The following TMTC2 variants were observed in gnomAD, a reference collection of about 807,000 sequenced individuals.
TMTC2 encodes protein O-mannosyl-transferase TMTC2.
TMTC2 carries 43 observed loss-of-function variants against 82.4 expected under a neutral mutation model. That is an observed-to-expected ratio of 0.52 (90% CI 0.41 to 0.67). The LOEUF (loss-of-function observed/expected upper bound fraction) is 0.67. Ranked by LOEUF, TMTC2 falls within the 30% of genes least tolerant of loss-of-function variation. TMTC2 has a pLI of 0.00. For synonymous variants in TMTC2, 408 were observed against 381.9 expected, an observed-to-expected ratio of 1.07 and a Z score of -0.80; for missense variants, 919 against 1,012.4, an observed-to-expected ratio of 0.91 and a Z score of 1.25.
chr12:82,825,598 C>T (rs1869373110), intron 1 of TMTC2, among the ~76,000 whole-genome samples: 1 of 151,980 alleles, frequency 6.6e-6, no homozygotes, highest in Non-Finnish European at 1.5e-5. Flanking sequence ...ATTATTTCCA[C>T]AATGTGGTAG....
At position 83,118,754 on chromosome 12, in the gene TMTC2, C is replaced by A. The variant is rs143558564; in HGVS notation, c.2332-13456C>A. 1.8e-3 allele frequency among the ~76,000 whole-genome samples: 267 copies of A among 152,162 alleles called. 1 individual carries two copies. Among genetic ancestry groups the A allele is most frequent in the African/African-American group, 6.1e-3 (254 of 41,546 alleles). ...ATAGGATTGGTACCAAACCTTTCAA[C>A]GTCTGGTAGAATTCTGATGTGAATT... On this transcript the variant is annotated intron_variant, in intron 11 of 11. Transcript: ENST00000321196.
Position 83,117,143 on chromosome 12 carries a change from G to A in TMTC2, c.2332-15067G>A, listed in dbSNP as rs146953889. Among the ~76,000 whole-genome samples the A allele has an allele frequency of 3.3e-5, 5 of 152,254 alleles. No homozygotes were observed. In the East Asian group the frequency reaches 9.6e-4, roughly 29 times the overall value. ...AGGATCCAGTTTTATTCTCTTACGT[G>A]TGGCTAGCCAATTATCCCAGCACCA... On this transcript the variant is annotated intron_variant, in intron 11 of 11. Transcript: ENST00000321196.
intron 11 of TMTC2, among the ~76,000 whole-genome samples, chr12:83,089,218 T>C (rs531799813): frequency 3.9e-5 from 6 of 152,350 alleles, no homozygotes; most frequent in South Asian, 2.1e-4. Context: ...TCCTAACTTA[T>C]GCTTTTTTGG....
At chr12:82,699,092 C>T (rs1339191472) in intron 1 of TMTC2, among the ~76,000 whole-genome samples, 3 of 152,164 alleles carry the variant, frequency 2.0e-5, no homozygotes, top group African/African-American at 4.8e-5. Flanking sequence ...TCTCATCTCC[C>T]GTGAGAACAG....
chr12:82,770,023 A>T (rs1877201274), intron 1 of TMTC2, among the ~76,000 whole-genome samples: 1 of 152,146 alleles, frequency 6.6e-6, no homozygotes, highest in African/African-American at 2.4e-5. Flanking sequence ...AAAATGATAT[A>T]TTTTACCTTA....
intron 2 of TMTC2, among the ~76,000 whole-genome samples, chr12:82,879,602 A>G (rs1872733472): frequency 6.6e-6 from 1 of 152,216 alleles, no homozygotes; most frequent in African/African-American, 2.4e-5. Flanking sequence ...GCAGGTTTAC[A>G]GCATAGAACC....
intron 1 of TMTC2, among the ~76,000 whole-genome samples, chr12:82,719,016 C>T (rs1406778243): frequency 7.6e-6 from 1 of 132,006 alleles, no homozygotes; most frequent in Non-Finnish European, 1.5e-5. Context: ...AAACTGGGTG[C>T]TAGTATATAG....
intron 1 of TMTC2, among the ~76,000 whole-genome samples, chr12:82,802,389 G>C (rs957459372): frequency 6.6e-6 from 1 of 152,182 alleles, no homozygotes; most frequent in Non-Finnish European, 1.5e-5. Flanking sequence ...CCGGAAAGGG[G>C]CTCCCACAGT....
At chr12:82,890,632 G>GA (rs148045445) in intron 2 of TMTC2, among the ~76,000 whole-genome samples, 7,540 of 152,162 alleles carry the variant, frequency 0.05, 229 homozygotes, top group Non-Finnish European at 0.073. Flanking sequence ...ATTTTACTTG[G>GA]ACTGGGGCAT....
chr12:82,892,390 T>A (rs986910167), intron 2 of TMTC2, among the ~76,000 whole-genome samples: 3 of 152,216 alleles, frequency 2.0e-5, no homozygotes, highest in Non-Finnish European at 4.4e-5. Flanking sequence ...TTAAATTTTC[T>A]TTTTAGCATA....
Position 83,040,415 on chromosome 12 carries a change from C to T in TMTC2, c.2152+9536C>T, listed in dbSNP as rs141750393. On this transcript the variant is annotated intron_variant, in intron 9 of 11. Coordinates refer to ENST00000321196, the MANE Select transcript of TMTC2 (RefSeq NM_152588.3). Reference sequence around the variant, plus strand: ...CAGGGAGGAAGGGCAGCTTGAGAACCGGAAAGGAGCTCATGGAGAAGTTAG... The same window carrying T: ...CAGGGAGGAAGGGCAGCTTGAGAACTGGAAAGGAGCTCATGGAGAAGTTAG... Among the ~76,000 whole-genome samples the T allele has an allele frequency of 2.2e-3, 329 of 152,056 alleles. 2 individuals are homozygous for T. Among genetic ancestry groups the T allele is most frequent in the African/African-American group, 7.5e-3 (312 of 41,464 alleles).
intron 11 of TMTC2, among the ~76,000 whole-genome samples, chr12:83,063,797 A>G (rs919916197): frequency 6.6e-6 from 1 of 151,932 alleles, no homozygotes; most frequent in African/African-American, 2.4e-5. Flanking sequence ...GTTAGGAGCT[A>G]CAATCTAGTC....
chr12:83,102,113 C>T (rs953321031), intron 11 of TMTC2, among the ~76,000 whole-genome samples: 4 of 152,130 alleles, frequency 2.6e-5, no homozygotes, highest in Admixed American at 6.5e-5. Flanking sequence ...GTTTCAGGCC[C>T]GTAAGGTGCA....
chr12:82,921,087 GT>G (rs200211819), intron 3 of TMTC2, among the ~76,000 whole-genome samples: 31 of 151,226 alleles, frequency 2.0e-4, no homozygotes, highest in African/African-American at 4.4e-4. Flanking sequence ...ACTACTGAGG[GT>G]TTTTTTTTCC....
intron 1 of TMTC2, among the ~76,000 whole-genome samples, chr12:82,765,119 G>A (rs544727811): frequency 3.3e-5 from 5 of 152,084 alleles, no homozygotes; most frequent in Non-Finnish European, 5.9e-5. Flanking sequence ...TTTTAATCTT[G>A]CAGCCACATT....
chr12:83,055,575 A>T (rs1433843946), intron 10 of TMTC2, among the ~76,000 whole-genome samples: 1 of 152,002 alleles, frequency 6.6e-6, no homozygotes, highest in Admixed American at 6.6e-5. Flanking sequence ...CCGTGAATGG[A>T]TTTATTCAGC....
intron 11 of TMTC2, among the ~76,000 whole-genome samples, chr12:83,071,166 T>TTTA (rs1400203870): frequency 6.6e-6 from 1 of 151,250 alleles, no homozygotes; most frequent in Non-Finnish European, 1.5e-5. Flanking sequence ...TTTTTGTTTT[T>TTTA]TTTTTTGAGA....
At chr12:82,735,422 T>A (rs1039340386) in intron 1 of TMTC2, among the ~76,000 whole-genome samples, 2 of 151,384 alleles carry the variant, frequency 1.3e-5, no homozygotes, top group Non-Finnish European at 2.9e-5. Flanking sequence ...CTCGGCTCAC[T>A]GCAAGCTCCG....
At chr12:82,940,781 C>T (rs905958390) in intron 4 of TMTC2, among the ~76,000 whole-genome samples, 1 of 151,418 alleles carries the variant, frequency 6.6e-6, no homozygotes, top group Non-Finnish European at 1.5e-5. Flanking sequence ...GCTTAAGCAA[C>T]ACTTTCTGGG....
Sources: gnomAD v4.1 joint callset for allele counts (sites outside exome capture counted in the v4.1 genomes callset) on GRCh38, gnomAD v4.1.1 for gene constraint, MANE v1.5 for transcripts, NCBI Gene and HGNC (gene_info 2026-07-23, HGNC 2026-07-21) for gene names.